The following UNC13C variants were observed in gnomAD, a reference collection of about 807,000 sequenced individuals.
UNC13C encodes the protein unc-13 homolog C.
A neutral mutation model predicts 245.4 loss-of-function variants in UNC13C; 174 were observed. The ratio of observed to expected loss-of-function variants is 0.71; its 90% CI spans 0.63 to 0.80. The LOEUF (loss-of-function observed/expected upper bound fraction) is 0.80, where lower values mean the gene tolerates loss of function less well. Ranked by LOEUF, UNC13C falls within the 30% of genes least tolerant of loss-of-function variation. UNC13C has a pLI of 0.00. For missense variants in UNC13C, 2,829 were observed against 2,602.9 expected, an observed-to-expected ratio of 1.09 and a Z score of -1.89; for synonymous variants, 992 against 895.1, an observed-to-expected ratio of 1.11 and a Z score of -1.93.
the UNC13C span, among the ~76,000 whole-genome samples, chr15:53,887,031 G>C: frequency 1.2e-3 from 183 of 152,302 alleles, no homozygotes; most frequent in African/African-American, 4.3e-3. Context: ...GTGGTATCCT[G>C]TATGGAATCC....
rs553471595 is a variant in UNC13C, at chr15:54,316,759, T to C, written c.4269-5180T>C. Among the ~76,000 whole-genome samples, 8 of 152,048 alleles carry C rather than the reference T, an allele frequency of 5.3e-5. 1 individual carries two copies. In the South Asian group the frequency reaches 1.5e-3, roughly 28 times the overall value. Reference sequence around the variant, plus strand: ...ATTCTGTAGTCCTTGTGTTTCCTTCTGACTTCTCCTCTCTTCACCGCTATG... The same window carrying C: ...ATTCTGTAGTCCTTGTGTTTCCTTCCGACTTCTCCTCTCTTCACCGCTATG... On this transcript the variant is annotated intron_variant, in intron 13 of 32. Coordinates refer to ENST00000260323, the MANE Select transcript of UNC13C (RefSeq NM_001080534.3).
At chr15:54,128,969 C>T (rs551890516) in intron 2 of UNC13C, among the ~76,000 whole-genome samples, 127 of 152,354 alleles carry the variant, frequency 8.3e-4, no homozygotes, top group African/African-American at 2.9e-3. Context: ...CATTCCTCCT[C>T]TAACACCATT....
intron 2 of UNC13C, among the ~76,000 whole-genome samples, chr15:54,032,238 T>A (rs1231777008): frequency 6.6e-6 from 1 of 152,234 alleles, no homozygotes; most frequent in Non-Finnish European, 1.5e-5. Context: ...TCATTTTTAG[T>A]ATGAACGATT....
the UNC13C span, among the ~76,000 whole-genome samples, chr15:53,920,742 C>T: frequency 6.6e-6 from 1 of 151,206 alleles, no homozygotes; most frequent in Non-Finnish European, 1.5e-5. Context: ...TTTATTTTCT[C>T]AAAAAACATT....
At chr15:53,899,717 A>T in the UNC13C span, among the ~76,000 whole-genome samples, 1 of 152,156 alleles carries the variant, frequency 6.6e-6, no homozygotes, top group East Asian at 1.9e-4. Context: ...GGCATGCGCC[A>T]CCATGCCTGG....
At chr15:54,396,199 C>G (rs2040066243) in intron 18 of UNC13C, among the ~76,000 whole-genome samples, 1 of 151,516 alleles carries the variant, frequency 6.6e-6, no homozygotes, top group East Asian at 1.9e-4. Flanking sequence ...TTGCTATTTT[C>G]AAAATAATGA....
At chr15:54,261,259 A>C (rs2036416442) in intron 8 of UNC13C, among the ~76,000 whole-genome samples, 1 of 152,212 alleles carries the variant, frequency 6.6e-6, no homozygotes, top group Admixed American at 6.5e-5. Context: ...ATTTAAAGTT[A>C]TCTCTGATGA....
intron 4 of UNC13C, among the ~76,000 whole-genome samples, chr15:54,197,047 TAAAGTA>T (rs1196845566): frequency 6.6e-6 from 1 of 152,038 alleles, no homozygotes; most frequent in African/African-American, 2.4e-5. Context: ...CCCTAAAACT[TAAAGTA>T]TAATAATAAT....
Position 54,184,156 on chromosome 15 carries a change from A to T in UNC13C, c.3071+40472A>T, listed in dbSNP as rs543057363. ...TGTTTTGAGGCAACTGATGCTAATAAGAAACTTAACAAGAAAGAAAGCCAA... is the reference window on the plus strand; with the variant it reads ...TGTTTTGAGGCAACTGATGCTAATATGAAACTTAACAAGAAAGAAAGCCAA... On this transcript the variant is annotated intron_variant, in intron 4 of 32. Transcript: ENST00000260323. Among the ~76,000 whole-genome samples the T allele has an allele frequency of 3.9e-5, 6 of 152,292 alleles. No individual in the cohort carries two copies. The East Asian group carries it at 1.2e-3, about 29-fold the overall frequency.
At chr15:54,238,753 C>G (rs2035774136) in intron 7 of UNC13C, among the ~76,000 whole-genome samples, 2 of 152,188 alleles carry the variant, frequency 1.3e-5, no homozygotes, top group Admixed American at 1.3e-4. Context: ...GCTTAGCACA[C>G]TGTCTGGCAT....
At chr15:54,426,213 T>G (rs1412709149) in intron 19 of UNC13C, among the ~76,000 whole-genome samples, 1 of 151,216 alleles carries the variant, frequency 6.6e-6, no homozygotes, top group Non-Finnish European at 1.5e-5. Context: ...CTGGGCATGA[T>G]TTCACTGGGT....
the UNC13C span, among the ~76,000 whole-genome samples, chr15:53,932,098 CAA>C: frequency 6.6e-6 from 1 of 152,060 alleles, no homozygotes; most frequent in African/African-American, 2.4e-5. Flanking sequence ...ATCATAAAGT[CAA>C]GAGATTGAGA....
intron 19 of UNC13C, among the ~76,000 whole-genome samples, chr15:54,462,211 G>T (rs1214157404): frequency 6.6e-6 from 1 of 152,208 alleles, no homozygotes; most frequent in Non-Finnish European, 1.5e-5. Flanking sequence ...ATAATAAAAA[G>T]AAAATAGAAT....
At chr15:54,049,331 T>G in intron 2 of UNC13C, 1 of 513,652 alleles carries the variant, frequency 1.9e-6, no homozygotes, top group South Asian at 1.5e-5. Context: ...TATAAATCGA[T>G]ACTACTAACA....
intron 10 of UNC13C, among the ~76,000 whole-genome samples, chr15:54,293,574 A>G (rs760769244): frequency 1.5e-4 from 23 of 152,064 alleles, no homozygotes; most frequent in Non-Finnish European, 2.9e-4. Flanking sequence ...TTTTATCAAG[A>G]TAACTATTGT....
intron 25 of UNC13C, among the ~76,000 whole-genome samples, chr15:54,528,981 A>C (rs932527059): frequency 3.9e-5 from 6 of 151,926 alleles, no homozygotes; most frequent in African/African-American, 1.5e-4. Context: ...CAGCCAGATA[A>C]AAGTGAAATA....
At chr15:54,048,228 C>T (rs1008911282) in intron 2 of UNC13C, among the ~76,000 whole-genome samples, 1 of 152,098 alleles carries the variant, frequency 6.6e-6, no homozygotes, top group Non-Finnish European at 1.5e-5. Flanking sequence ...TGATTGTTCT[C>T]CTTCTTTTGT....
chr15:54,186,922 C>T (rs971069223), intron 4 of UNC13C, among the ~76,000 whole-genome samples: 3 of 150,896 alleles, frequency 2.0e-5, no homozygotes, highest in African/African-American at 7.3e-5. Context: ...AAACTTGGCT[C>T]ACTGCAACCT....
In UNC13C at chr15:54,451,216, G is replaced by A. The variant is rs148121013; in HGVS notation, c.4933+36149G>A. On this transcript the variant is annotated intron_variant, in intron 19 of 32. Transcript: ENST00000260323. Reference sequence around the variant, plus strand: ...AGTCTAGTGATGAGGAATTACCTCAGTTTTTGCTTGTCAGGGAAAAACTTT... The same window carrying A: ...AGTCTAGTGATGAGGAATTACCTCAATTTTTGCTTGTCAGGGAAAAACTTT... 4.9e-3 allele frequency among the ~76,000 whole-genome samples: 751 copies of A among 152,148 alleles called. 1 individual carries two copies. Among genetic ancestry groups the A allele is most frequent in the African/African-American group, 0.017 (705 of 41,560 alleles).
Sources: allele counts gnomAD v4.1 joint callset (sites outside exome capture counted in the v4.1 genomes callset), GRCh38; gene constraint gnomAD v4.1.1; transcripts MANE v1.5; gene names NCBI Gene and HGNC (gene_info 2026-07-23, HGNC 2026-07-21).